The following LIPI variants were observed in gnomAD, a reference collection of about 807,000 sequenced individuals.
LIPI encodes the protein lipase I.
In LIPI, 59 loss-of-function variants were observed where a neutral mutation model predicts 50.6. That is an observed-to-expected ratio of 1.16 (90% CI 0.94 to 1.45). LIPI has a LOEUF of 1.45. Among genes scored for constraint, LIPI ranks in the 40% most tolerant of loss-of-function variants. The pLI, the probability that LIPI is intolerant of heterozygous loss-of-function variation, is 0.00. For missense variants in LIPI, 586 were observed against 536.3 expected (o/e 1.09, Z -0.92); for synonymous variants, 203 against 178.2 (o/e 1.14, Z -1.11).
chr21:14,169,911 T>A (rs1351394658), intron 4 of LIPI, among the ~76,000 whole-genome samples: 1 of 151,676 alleles, frequency 6.6e-6, no homozygotes, highest in African/African-American at 2.4e-5. Flanking sequence ...TTCAAAAAAT[T>A]AATGAATCCA....
chr21:14,164,126 G>A (rs1351973178), intron 6 of LIPI, among the ~76,000 whole-genome samples: 1 of 151,438 alleles, frequency 6.6e-6, no homozygotes, highest in African/African-American at 2.4e-5. Context: ...TAAAGTTTAT[G>A]TTAATATATA....
chr21:14,189,366 T>C lies in LIPI; in HGVS notation c.100A>G (p.Arg34Gly). The change falls in exon 2 of 10, where the codon AGA becomes GGA. Residue 34 changes from arginine to glycine, a missense_variant. Physicochemically the swap from Arg to Gly is moderately radical, Grantham distance 125 (BLOSUM62 -2). Transcript: ENST00000681601. ...FSQLSVKDSFRDLFIPRIETI... is the reference protein window; with the variant it reads ...FSQLSVKDSFGDLFIPRIETI... The stretch of plus-strand genomic sequence containing the variant: ...TCTATTCTCGGAATAAATAAATCTC[T>C]GAAGGAATCCTTTACACTTAGCTGA... 6.2e-7 allele frequency: 1 copy of C among 1,612,456 alleles called. No individual in the cohort carries two copies. The highest frequency in any genetic ancestry group is 8.5e-7 in the Non-Finnish European group (1 of 1,178,616).
intron 9 of LIPI, among the ~76,000 whole-genome samples, chr21:14,125,761 T>C (rs557526705): frequency 1.1e-3 from 160 of 152,274 alleles, no homozygotes; most frequent in African/African-American, 3.5e-3. Flanking sequence ...GTCTTCACCA[T>C]GTTAGCCAGG....
chr21:14,149,903 G>A (rs911526882), intron 8 of LIPI, among the ~76,000 whole-genome samples: 2 of 152,190 alleles, frequency 1.3e-5, no homozygotes, highest in African/African-American at 4.8e-5. Context: ...GTGTCTGCAG[G>A]TTTTCCAGGT....
intron 8 of LIPI, among the ~76,000 whole-genome samples, chr21:14,151,398 A>C (rs1326987864): frequency 6.6e-6 from 1 of 152,168 alleles, no homozygotes; most frequent in Admixed American, 6.6e-5. Context: ...TTAATTAGTT[A>C]ATTTATGTAC....
intron 3 of LIPI, among the ~76,000 whole-genome samples, 187 bp from the exon 4 acceptor site, chr21:14,182,046 C>T (rs530972353): frequency 1.3e-5 from 2 of 152,260 alleles, no homozygotes; most frequent in South Asian, 2.1e-4. Context: ...TTGAATAATA[C>T]TACTAACCTT....
intron 1 of LIPI, among the ~76,000 whole-genome samples, chr21:14,199,498 T>C (rs1350336387): frequency 6.6e-6 from 1 of 151,520 alleles, no homozygotes; most frequent in African/African-American, 2.4e-5. Context: ...AAGAAATTGA[T>C]AAATTCCTGG....
chr21:14,119,394 T>C (rs1324960147), intron 9 of LIPI, among the ~76,000 whole-genome samples: 1 of 152,152 alleles, frequency 6.6e-6, no homozygotes, highest in Non-Finnish European at 1.5e-5. Flanking sequence ...GCCAAGGAGT[T>C]CAGTATCTTG....
Position 14,169,059 on chromosome 21 carries a change from A to T in LIPI, c.644-2608T>A, listed in dbSNP as rs1221293244. Among the ~76,000 whole-genome samples, 3 of 152,190 alleles carry T rather than the reference A, an allele frequency of 2.0e-5. No individual in the cohort carries two copies. In the East Asian group the frequency reaches 5.8e-4, roughly 29 times the overall value. On this transcript the variant is annotated intron_variant, in intron 4 of 9. Coordinates refer to ENST00000681601, the MANE Select transcript of LIPI (RefSeq NM_001302998.2). ...GAAAACAAAAAAAGGCAGGGGTTGC[A>T]ATCCTAGTCTGTGATGAAATAGACT...
At chr21:14,184,894 T>C (rs1477052310) in intron 3 of LIPI, among the ~76,000 whole-genome samples, 2 of 152,172 alleles carry the variant, frequency 1.3e-5, no homozygotes, top group African/African-American at 4.8e-5. Flanking sequence ...CTAATCAGAG[T>C]AAGTAAGGGT....
chr21:14,129,189 A>T (rs565018029), intron 9 of LIPI, among the ~76,000 whole-genome samples: 102 of 152,160 alleles, frequency 6.7e-4, no homozygotes, highest in Non-Finnish European at 1.3e-3. Context: ...CAAATTGGGG[A>T]CCAATCAGGG....
intron 7 of LIPI, among the ~76,000 whole-genome samples, chr21:14,158,628 AATAT>A (rs200838502): frequency 2.0e-5 from 3 of 148,404 alleles, no homozygotes; most frequent in Non-Finnish European, 3.0e-5. Flanking sequence ...TGTGTGTAGA[AATAT>A]ATATATAGAG....
At chr21:14,137,434 T>C (rs2017540538) in intron 9 of LIPI, among the ~76,000 whole-genome samples, 1 of 152,104 alleles carries the variant, frequency 6.6e-6, no homozygotes, top group Non-Finnish European at 1.5e-5. Context: ...AGCTAAAAAA[T>C]GCAGTTGGCA....
chr21:14,171,999 T>A (rs993477314), intron 4 of LIPI, among the ~76,000 whole-genome samples: 1 of 151,440 alleles, frequency 6.6e-6, no homozygotes, highest in African/African-American at 2.4e-5. Context: ...GAATCTACAA[T>A]GAACTCAAAC....
chr21:14,129,809 TAAAA>T (rs199899861), intron 9 of LIPI, among the ~76,000 whole-genome samples: 2,449 of 136,406 alleles, frequency 0.018, 33 homozygotes, highest in Middle Eastern at 0.023. Context: ...TTTTTTTTTT[TAAAA>T]AAAAAAAAAG....
intron 9 of LIPI, among the ~76,000 whole-genome samples, chr21:14,123,094 A>G (rs1198429472): frequency 6.6e-6 from 1 of 152,224 alleles, no homozygotes; most frequent in African/African-American, 2.4e-5. Context: ...ATGCCACAAG[A>G]TAACTTCACC....
chr21:14,160,993 G>A (rs2212714), intron 7 of LIPI, among the ~76,000 whole-genome samples: 127,495 of 151,106 alleles, frequency 0.84, 54,048 homozygotes, highest in East Asian at 0.97. Context: ...GAAAAAAATC[G>A]GAAAAATTAG....
At chr21:14,124,388 T>C (rs900403004) in intron 9 of LIPI, among the ~76,000 whole-genome samples, 1 of 152,096 alleles carries the variant, frequency 6.6e-6, no homozygotes, top group Non-Finnish European at 1.5e-5. Context: ...AAGCTAAGTG[T>C]AGTGTAGCAA....
intron 9 of LIPI, among the ~76,000 whole-genome samples, chr21:14,112,344 T>C (rs1416788522): frequency 1.3e-5 from 2 of 152,110 alleles, no homozygotes; most frequent in African/African-American, 4.8e-5. Flanking sequence ...TCATACAAAT[T>C]TTAAGGTTTT....
Sources: gnomAD v4.1 joint callset for allele counts (sites outside exome capture counted in the v4.1 genomes callset) on GRCh38, gnomAD v4.1.1 for gene constraint, MANE v1.5 for transcripts, NCBI Gene and HGNC (gene_info 2026-07-23, HGNC 2026-07-21) for gene names.